The following GFPT1 variants were observed in gnomAD, a reference collection of about 807,000 sequenced individuals.
GFPT1 encodes glutamine--fructose-6-phosphate aminotransferase [isomerizing] 1.
A neutral mutation model predicts 92.0 loss-of-function variants in GFPT1; 40 were observed. The ratio of observed to expected loss-of-function variants is 0.43; its 90% confidence interval spans 0.34 to 0.57. The LOEUF is 0.57. Among genes scored for constraint, GFPT1 ranks in the 20% least tolerant of loss-of-function variants. The pLI is 0.02. For missense variants in GFPT1, 448 were observed against 869.1 expected (o/e 0.52, Z 6.09); for synonymous variants, 269 against 280.6 (o/e 0.96, Z 0.41).
At chr2:69,332,305 T>A (rs977070104) in intron 15 of GFPT1, among the ~76,000 whole-genome samples, 7 of 151,092 alleles carry the variant, frequency 4.6e-5, no homozygotes, top group African/African-American at 1.7e-4. Flanking sequence ...TAGTCTTTCT[T>A]TTCTTTTCTT....
At position 69,373,989 on chromosome 2, in the gene GFPT1, T is replaced by C. The variant is rs562949588; in HGVS notation, c.115+17A>G. 6.4e-6 allele frequency: 7 copies of C among 1,092,044 alleles called. No individual in the cohort carries two copies. In the East Asian group the frequency reaches 1.2e-4, roughly 19 times the overall value. 67.6% of individuals were successfully genotyped at this position (1,092,044 alleles called of 1,614,324 possible). The stretch of plus-strand genomic sequence containing the variant: ...TTAAAGAATCATGCAAAATCCATAG[T>C]ATTTTTTTTAAAGTACCAGCAGAAT... On this transcript the variant is annotated intron_variant, in intron 2 of 19. Coordinates refer to ENST00000357308, the MANE Select transcript of GFPT1 (RefSeq NM_001244710.2).
In GFPT1 at chr2:69,329,379, A is replaced by G; in HGVS notation, c.1643T>C (p.Leu548Pro). The stretch of plus-strand genomic sequence containing the variant: ...CTTCTGATGATAAAGTTCTGTTGCT[A>G]GTTTCTGAATTTCGTCATCCATGCT... ...VLSMDDEIQKLATELYHQKSV... is the reference protein window; with the variant it reads ...VLSMDDEIQKPATELYHQKSV... Residue 548 changes from leucine to proline, a missense_variant, in exon 17 of 20, where the codon CTA becomes CCA. Leu to Pro is a moderately conservative substitution (Grantham distance 98). Around this residue, in one of 7 missense-constraint regions of GFPT1, gnomAD observed 73 missense variants for 103.5 expected, o/e 0.71. Transcript: ENST00000357308. The G allele has an allele frequency of 6.2e-7, 1 of 1,611,232 alleles. No individual in the cohort carries two copies. The highest frequency in any genetic ancestry group is 8.5e-7 in the Non-Finnish European group (1 of 1,177,346).
chr2:69,372,157 G>A (rs1340911356), intron 2 of GFPT1, among the ~76,000 whole-genome samples: 1 of 140,172 alleles, frequency 7.1e-6, no homozygotes, highest in African/African-American at 2.7e-5. Flanking sequence ...CCAAGATCAC[G>A]CCACTGCACT....
At position 69,324,661 on chromosome 2, in the gene GFPT1, C is replaced by T. The variant is rs1670488362; in HGVS notation, c.*1528G>A. 6.6e-6 allele frequency: 1 copy of T among 151,940 alleles called. No homozygotes were observed. The highest frequency in any genetic ancestry group is 1.5e-5 in the Non-Finnish European group (1 of 67,982). The allele number at this position is 151,940 out of a possible 1,614,324, so 9.4% of individuals were successfully genotyped here. ...AACTATTAGAAAATCTTAACCTCAC[C>T]CAGAAGTTAAAACAAGAAAAGAAAG... On this transcript the variant is annotated 3_prime_UTR_variant, in exon 20 of 20. Coordinates refer to ENST00000357308, the MANE Select transcript of GFPT1 (RefSeq NM_001244710.2).
intron 4 of GFPT1, among the ~76,000 whole-genome samples, chr2:69,362,914 C>G (rs1231751218): frequency 6.6e-6 from 1 of 152,046 alleles, no homozygotes; most frequent in Non-Finnish European, 1.5e-5. Context: ...TTTGATTATA[C>G]ATTTCTAGAG....
intron 6 of GFPT1, among the ~76,000 whole-genome samples, chr2:69,358,093 T>A (rs1389694313): frequency 2.0e-5 from 3 of 152,206 alleles, no homozygotes; most frequent in Non-Finnish European, 4.4e-5. Flanking sequence ...TGATTTTGGA[T>A]TAATTTTCAT....
At chr2:69,360,017 G>A (rs992932942) in intron 4 of GFPT1, among the ~76,000 whole-genome samples, 7 of 152,074 alleles carry the variant, frequency 4.6e-5, no homozygotes, top group African/African-American at 1.2e-4. Context: ...TATTTGTAGC[G>A]ACTGCTGGTA....
chr2:69,352,031 G>C lies in GFPT1; in HGVS notation c.740-1848C>G, dbSNP rs186205840. 3.9e-5 allele frequency among the ~76,000 whole-genome samples: 6 copies of C among 152,130 alleles called. No homozygotes were observed. The East Asian group carries it at 1.2e-3, about 29-fold the overall frequency. On this transcript the variant is annotated intron_variant, in intron 9 of 19. Coordinates refer to ENST00000357308, the MANE Select transcript of GFPT1 (RefSeq NM_001244710.2). ...AATCCCAGCACTTTGGGAGGCCGAG[G>C]TGGGCAGATCACTTGAGGTCAGGAG...
chr2:69,337,835 G>C, intron 15 of GFPT1, 63 bp downstream of exon 15: 1 of 1,306,856 alleles, frequency 7.7e-7, no homozygotes, highest in Non-Finnish European at 1.1e-6. Flanking sequence ...CTAGTCTACA[G>C]ACTAGTCTGC....
At position 69,383,708 on chromosome 2, in the gene GFPT1, C is replaced by T. The variant is rs536157279; in HGVS notation, c.7+3357G>A. 2.6e-5 allele frequency among the ~76,000 whole-genome samples: 4 copies of T among 152,324 alleles called. No homozygotes were observed. In the East Asian group the frequency reaches 7.7e-4, roughly 29 times the overall value. On this transcript the variant is annotated intron_variant, in intron 1 of 19. Transcript: ENST00000357308. ...TGGCACTATCTCAGCTCACTGCAACCTCCACCTCCTGGGTTCAAGAGATTC... is the reference window on the plus strand; with the variant it reads ...TGGCACTATCTCAGCTCACTGCAACTTCCACCTCCTGGGTTCAAGAGATTC...
intron 7 of GFPT1, among the ~76,000 whole-genome samples, chr2:69,355,278 A>T (rs924556393): frequency 6.6e-6 from 1 of 151,990 alleles, no homozygotes; most frequent in Admixed American, 6.6e-5. Context: ...GGATTTTGTC[A>T]TGTTGCCTAG....
Position 69,376,566 on chromosome 2 carries a change from C to G in GFPT1, c.8-2453G>C, listed in dbSNP as rs553251418. On this transcript the variant is annotated intron_variant, in intron 1 of 19. Coordinates refer to ENST00000357308, the MANE Select transcript of GFPT1 (RefSeq NM_001244710.2). ...AAAAAAACTGAATCTGAACTAGTTC[C>G]CACCACTGTGACTGCATCAGCTAGA... Among the ~76,000 whole-genome samples, 22 of 152,028 alleles carry G rather than the reference C, an allele frequency of 1.4e-4. No individual in the cohort carries two copies. The South Asian group carries it at 4.4e-3, about 30-fold the overall frequency.
At chr2:69,362,949 A>G (rs1426799776) in intron 4 of GFPT1, among the ~76,000 whole-genome samples, 4 of 152,100 alleles carry the variant, frequency 2.6e-5, no homozygotes, top group South Asian at 2.1e-4. Context: ...GACAAAACCA[A>G]TAACAAAAGT....
At chr2:69,382,902 A>C (rs1194348934) in intron 1 of GFPT1, among the ~76,000 whole-genome samples, 1 of 152,212 alleles carries the variant, frequency 6.6e-6, no homozygotes, top group African/African-American at 2.4e-5. Context: ...CATGGCAATG[A>C]ACAAGGACTG....
At chr2:69,368,393 A>G (rs1046088274) in intron 3 of GFPT1, among the ~76,000 whole-genome samples, 1 of 152,100 alleles carries the variant, frequency 6.6e-6, no homozygotes, top group Admixed American at 6.5e-5. Context: ...AAAAAAAATT[A>G]GCTGTGAGTA....
chr2:69,373,631 T>G (rs866783538), intron 2 of GFPT1, among the ~76,000 whole-genome samples: 3 of 151,316 alleles, frequency 2.0e-5, no homozygotes, highest in East Asian at 1.9e-4. Context: ...AAATAAATAA[T>G]AAAAATAAGA....
chr2:69,326,179 T>C lies in GFPT1; in HGVS notation c.*10A>G, dbSNP rs370755114. On this transcript the variant is annotated 3_prime_UTR_variant, in exon 20 of 20. Coordinates refer to ENST00000357308, the MANE Select transcript of GFPT1 (RefSeq NM_001244710.2). ...ATCATACAGTTTCGTACATTTTGTATAGATATTCCTCACTCTACAGTCACA... is the reference window on the plus strand; with the variant it reads ...ATCATACAGTTTCGTACATTTTGTACAGATATTCCTCACTCTACAGTCACA... 3.2e-6 allele frequency: 5 copies of C among 1,547,904 alleles called. No homozygotes were observed. The highest frequency in any genetic ancestry group is 1.4e-5 in the African/African-American group (1 of 73,442).
intron 15 of GFPT1, among the ~76,000 whole-genome samples, chr2:69,332,258 A>G (rs935755619): frequency 1.3e-5 from 2 of 151,262 alleles, no homozygotes; most frequent in Middle Eastern, 6.9e-3. Context: ...CACACACTCT[A>G]AATTTTTACC....
intron 3 of GFPT1, 110 bp downstream of exon 3, chr2:69,369,891 T>C: frequency 1.3e-6 from 1 of 752,014 alleles, no homozygotes; most frequent in Non-Finnish European, 2.4e-6. Context: ...CAGACCATTA[T>C]CATTAAAATT....
Sources: gnomAD v4.1 joint callset for allele counts (sites outside exome capture counted in the v4.1 genomes callset) on GRCh38, gnomAD v4.1.1 for gene constraint, gnomAD v4.1.1 regional missense constraint, MANE v1.5 for transcripts, NCBI Gene and HGNC (gene_info 2026-07-23, HGNC 2026-07-21) for gene names.